The following DAB2IP variants were observed in gnomAD, a reference collection of about 807,000 sequenced individuals.
The protein encoded by DAB2IP is DAB2 interacting protein.
Under a neutral mutation model 107.2 loss-of-function variants are expected in DAB2IP, and 28 were observed. The ratio of observed to expected loss-of-function variants is 0.26; its 90% CI spans 0.19 to 0.36. DAB2IP has a LOEUF of 0.36. Among genes scored for constraint, DAB2IP ranks in the 10% least tolerant of loss-of-function variants. DAB2IP has a pLI of 1.00. For synonymous variants in DAB2IP, 755 were observed against 706.4 expected (o/e 1.07, Z -1.09); for missense variants, 1,400 against 1,644.7 (o/e 0.85, Z 2.57).
chr9:121,765,971 G>GGATTCCT (rs72186786), intron 8 of DAB2IP, among the ~76,000 whole-genome samples: 5,752 of 152,220 alleles, frequency 0.038, 356 homozygotes, highest in African/African-American at 0.13. Flanking sequence ...AGGAAATCCT[G>GGATTCCT]GATTCCTGTG....
chr9:121,777,790 C>G (rs1377015441), intron 14 of DAB2IP, among the ~76,000 whole-genome samples: 1 of 151,596 alleles, frequency 6.6e-6, no homozygotes, highest in Non-Finnish European at 1.5e-5. Context: ...GCTTTATGTA[C>G]ACTGAAACTA....
chr9:121,715,675 G>A (rs1258806439), intron 3 of DAB2IP, among the ~76,000 whole-genome samples: 1 of 152,146 alleles, frequency 6.6e-6, no homozygotes, highest in African/African-American at 2.4e-5. Context: ...GTTTTCTGAT[G>A]ATCAAAATGC....
chr9:121,693,222 G>C (rs1319249178), intron 2 of DAB2IP, among the ~76,000 whole-genome samples: 1 of 152,188 alleles, frequency 6.6e-6, no homozygotes, highest in Non-Finnish European at 1.5e-5. Flanking sequence ...ACTGCCCTCT[G>C]GGCCTCAGAT....
At chr9:121,773,572 C>T (rs1365081779) in intron 12 of DAB2IP, 77 bp downstream of exon 12, 1 of 1,337,450 alleles carries the variant, frequency 7.5e-7, no homozygotes, top group African/African-American at 1.5e-5. Context: ...CCATGCTCCT[C>T]CTCTCGGTCA....
chr9:121,734,776 G>A (rs1831775375), intron 3 of DAB2IP, among the ~76,000 whole-genome samples: 1 of 152,206 alleles, frequency 6.6e-6, no homozygotes, highest in Non-Finnish European at 1.5e-5. Flanking sequence ...CAGTTGTCTA[G>A]GGGTGAGGCA....
chr9:121,766,868 C>G, intron 9 of DAB2IP, 138 bp downstream of exon 9: 1 of 792,656 alleles, frequency 1.3e-6, no homozygotes, highest in East Asian at 2.5e-5. Flanking sequence ...CTCAGTCCTT[C>G]TCCTTCCCGC....
chr9:121,592,942 T>C (rs1451353123), intron 1 of DAB2IP, among the ~76,000 whole-genome samples: 1 of 152,074 alleles, frequency 6.6e-6, no homozygotes, highest in East Asian at 1.9e-4. Flanking sequence ...TCTACAGTGT[T>C]GTACAGCGCC....
chr9:121,752,992 C>T (rs779952487), intron 3 of DAB2IP: 1 of 152,144 alleles, frequency 6.6e-6, no homozygotes, highest in African/African-American at 2.4e-5. Context: ...TGGCAGGCCT[C>T]AGTTTCTCCC....
intron 3 of DAB2IP, among the ~76,000 whole-genome samples, chr9:121,726,877 C>T (rs151044039): frequency 6.6e-5 from 10 of 152,314 alleles, no homozygotes; most frequent in African/African-American, 2.4e-4. Context: ...TCTCTTTCCC[C>T]ACCCTACTCC....
At chr9:121,745,701 A>G (rs552533774) in intron 3 of DAB2IP, among the ~76,000 whole-genome samples, 2 of 152,122 alleles carry the variant, frequency 1.3e-5, no homozygotes, top group Non-Finnish European at 2.9e-5. Flanking sequence ...CCAGGAGGCA[A>G]GGGCAACCCA....
intron 8 of DAB2IP, among the ~76,000 whole-genome samples, chr9:121,765,418 G>C (rs1407842648): frequency 1.3e-5 from 2 of 152,214 alleles, no homozygotes; most frequent in African/African-American, 4.8e-5. Context: ...TTCATTCCCC[G>C]CTAGGTGTGC....
intron 1 of DAB2IP, among the ~76,000 whole-genome samples, chr9:121,644,346 C>T (rs1564130315): frequency 1.3e-5 from 2 of 152,114 alleles, no homozygotes; most frequent in African/African-American, 2.4e-5. Context: ...CCTGTAATCC[C>T]AGCACTTGGG....
chr9:121,707,070 A>T (rs1243632654), intron 3 of DAB2IP, among the ~76,000 whole-genome samples: 1 of 152,210 alleles, frequency 6.6e-6, no homozygotes, highest in Non-Finnish European at 1.5e-5. Flanking sequence ...GTGTTGGCTT[A>T]GGAGGCCTGC....
intron 1 of DAB2IP, among the ~76,000 whole-genome samples, chr9:121,632,909 C>T (rs534850923): frequency 6.6e-6 from 1 of 152,312 alleles, no homozygotes; most frequent in Non-Finnish European, 1.5e-5. Context: ...CACCTCTGGG[C>T]CTGCTCACAC....
rs1160474960 is a variant in DAB2IP at position 121,760,395 on chromosome 9, G to A, written c.1126G>A (p.Ala376Thr). ...CAGTGCCAAGACCAAGGAGGAGATG[G>A]CATCTGCCCTGGTGCACATCCTGCA... The change falls in exon 6 of 16, where the codon GCA becomes ACA. Residue 376 changes from alanine to threonine, a missense_variant. This residue lies in a region of DAB2IP where 517 missense variants were observed against 748.6 expected (regional missense o/e 0.69). Coordinates refer to ENST00000408936, the Ensembl canonical transcript of DAB2IP. This position sits in a 1 kb window ranked among gnomAD's most constrained non-coding sequence, Gnocchi z 5.9. 5 of 1,609,028 alleles carry A rather than the reference G, an allele frequency of 3.1e-6. No individual in the cohort carries two copies. The South Asian group carries it at 5.5e-5, about 18-fold the overall frequency.
chr9:121,752,256 G>A (rs1373033977), intron 3 of DAB2IP, among the ~76,000 whole-genome samples: 3 of 148,742 alleles, frequency 2.0e-5, no homozygotes, highest in Non-Finnish European at 4.4e-5. Context: ...GGCCTTCTTC[G>A]TCCCTCCTCC....
chr9:121,743,470 G>A (rs1209018610), intron 3 of DAB2IP, among the ~76,000 whole-genome samples: 1 of 152,034 alleles, frequency 6.6e-6, no homozygotes, highest in Non-Finnish European at 1.5e-5. Context: ...TAGGAAAAAG[G>A]GACCTGTACC....
intron 3 of DAB2IP, among the ~76,000 whole-genome samples, chr9:121,747,636 C>T (rs925399323): frequency 1.8e-4 from 28 of 152,052 alleles, no homozygotes; most frequent in Non-Finnish European, 3.7e-4. Context: ...CGTGAGCCAC[C>T]GCGCCCGGCC....
At chr9:121,652,124 A>G (rs1832768992) in intron 1 of DAB2IP, among the ~76,000 whole-genome samples, 1 of 152,156 alleles carries the variant, frequency 6.6e-6, no homozygotes, top group Admixed American at 6.5e-5. Context: ...AGCCAGGGAC[A>G]GGGAGAGGGG....
Sources: gnomAD v4.1 joint callset for allele counts (sites outside exome capture counted in the v4.1 genomes callset) on GRCh38, gnomAD v4.1.1 for gene constraint, gnomAD v4.1.1 regional missense constraint, Gnocchi (gnomAD v3.1) non-coding constraint, MANE v1.5 for transcripts, NCBI Gene and HGNC (gene_info 2026-07-23, HGNC 2026-07-21) for gene names.